Variants in CPPED1 observed in about 807,000 individuals in gnomAD.
CPPED1 encodes serine/threonine-protein phosphatase CPPED1.
CPPED1 carries 28 observed loss-of-function variants against 28.0 expected under a neutral mutation model. The ratio of observed to expected loss-of-function variants is 1.00; its 90% CI spans 0.74 to 1.37. CPPED1 has a LOEUF of 1.37. Among genes scored for constraint, CPPED1 ranks in the 40% most tolerant of loss-of-function variants. CPPED1 has a pLI of 0.00. For missense variants in CPPED1, 504 were observed against 416.5 expected, an observed-to-expected ratio of 1.21 and a Z score of -1.83; for synonymous variants, 198 against 180.2, an observed-to-expected ratio of 1.10 and a Z score of -0.79.
At chr16:12,766,256 T>TATATATATAGAGAGAG in intron 2 of CPPED1, among the ~76,000 whole-genome samples, 1 of 134,288 alleles carries the variant, frequency 7.4e-6, no homozygotes, top group African/African-American at 3.5e-5. Context: ...TATATATATA[T>TATATATATAGAGAGAG]AGAGAGAGAG....
At chr16:12,745,813 A>G (rs527883193) in intron 2 of CPPED1, 1 of 152,346 alleles carries the variant, frequency 6.6e-6, no homozygotes, top group East Asian at 1.9e-4. Flanking sequence ...CAAGTTACCT[A>G]TGTAATAAAC....
At chr16:12,798,975 G>C (rs1170380029) in intron 1 of CPPED1, among the ~76,000 whole-genome samples, 1 of 152,188 alleles carries the variant, frequency 6.6e-6, no homozygotes, top group Admixed American at 6.5e-5. Flanking sequence ...GGGAACGGAT[G>C]ACTGAAACCA....
intron 2 of CPPED1, among the ~76,000 whole-genome samples, chr16:12,720,524 A>G (rs2080134049): frequency 1.3e-5 from 2 of 152,152 alleles, no homozygotes; most frequent in Admixed American, 6.6e-5. Flanking sequence ...GTCTTGCTCT[A>G]TTGCCCAGGC....
chr16:12,686,651 A>G (rs2079935018), intron 3 of CPPED1, among the ~76,000 whole-genome samples: 1 of 152,150 alleles, frequency 6.6e-6, no homozygotes, highest in African/African-American at 2.4e-5. Flanking sequence ...GGATGCTGGG[A>G]TGGGAAAGGT....
intron 3 of CPPED1, among the ~76,000 whole-genome samples, chr16:12,686,145 A>G (rs994536880): frequency 1.3e-5 from 2 of 152,076 alleles, no homozygotes; most frequent in Admixed American, 6.5e-5. Context: ...TATTGATACT[A>G]TCCTATACTT....
intron 2 of CPPED1, among the ~76,000 whole-genome samples, chr16:12,708,232 T>C (rs1374430803): frequency 2.0e-5 from 3 of 152,130 alleles, no homozygotes; most frequent in African/African-American, 7.2e-5. Context: ...TCTATACCTC[T>C]TGCATGGAGT....
At position 12,662,520 on chromosome 16, in the gene CPPED1, T is replaced by C. The variant is rs1414776241; in HGVS notation, c.*2366A>G. ...GTGTACACTGTACCCATCAGGTACT[T>C]TCTCATCCCTTACCCTCCTCCCACC... On this transcript the variant is annotated 3_prime_UTR_variant, in exon 4 of 4. Coordinates refer to ENST00000381774, the MANE Select transcript of CPPED1 (RefSeq NM_018340.3). 1 of 152,238 alleles carries C rather than the reference T, an allele frequency of 6.6e-6. No homozygotes were observed. The highest frequency in any genetic ancestry group is 2.4e-5 in the African/African-American group (1 of 41,478). The allele number at this position is 152,238 out of a possible 1,614,324, so 9.4% of individuals were successfully genotyped here. A position where few individuals can be genotyped will look rare whatever the true frequency, so the allele number is the denominator to read the frequency against.
intron 2 of CPPED1, among the ~76,000 whole-genome samples, chr16:12,768,617 C>A (rs2080452544): frequency 6.6e-6 from 1 of 152,162 alleles, no homozygotes; most frequent in South Asian, 2.1e-4. Flanking sequence ...CAGGTGTGGG[C>A]TCTTATTCTG....
intron 2 of CPPED1, among the ~76,000 whole-genome samples, chr16:12,771,652 T>C (rs374494248): frequency 1.3e-5 from 2 of 152,338 alleles, no homozygotes; most frequent in African/African-American, 4.8e-5. Context: ...TGTACCAGAA[T>C]TATGTTCATG....
In CPPED1 at chr16:12,664,834, GC is replaced by G. The variant is rs1253230403; in HGVS notation, c.*51del. The G allele has an allele frequency of 5.6e-6, 9 of 1,603,998 alleles. No individual in the cohort carries two copies. Among genetic ancestry groups the G allele is most frequent in the Non-Finnish European group, 7.6e-6 (9 of 1,177,326 alleles). ...AGGTTGTGTGCAGCTGCTGTTTCTG[GC>G]AAAATAAAAAAATAGTGCAAGTGAA... On this transcript the variant is annotated 3_prime_UTR_variant, in exon 4 of 4. Coordinates refer to ENST00000381774, the MANE Select transcript of CPPED1 (RefSeq NM_018340.3). This position sits in a 1 kb window ranked among gnomAD's most constrained non-coding sequence, Gnocchi z 4.2.
chr16:12,690,754 G>A (rs1394745878), intron 3 of CPPED1, among the ~76,000 whole-genome samples: 1 of 151,986 alleles, frequency 6.6e-6, no homozygotes, highest in Non-Finnish European at 1.5e-5. Context: ...GAACGGAGAG[G>A]CTTACTATGA....
intron 2 of CPPED1, among the ~76,000 whole-genome samples, chr16:12,725,398 T>C (rs1000476642): frequency 5.9e-5 from 9 of 152,132 alleles, no homozygotes; most frequent in African/African-American, 1.4e-4. Flanking sequence ...CCAGCCAACA[T>C]GATTCTTGAC....
At chr16:12,779,109 A>G (rs1157308866) in intron 2 of CPPED1, among the ~76,000 whole-genome samples, 5 of 152,278 alleles carry the variant, frequency 3.3e-5, no homozygotes, top group Non-Finnish European at 7.3e-5. Flanking sequence ...AATTCAGAAC[A>G]AGTTGGTAAA....
intron 1 of CPPED1, among the ~76,000 whole-genome samples, chr16:12,794,594 G>T (rs1407925021): frequency 6.6e-6 from 1 of 151,908 alleles, no homozygotes; most frequent in Non-Finnish European, 1.5e-5. Flanking sequence ...ACTTTTTTCA[G>T]ATTTTGGAAC....
At chr16:12,714,602 A>G (rs775681407) in intron 2 of CPPED1, among the ~76,000 whole-genome samples, 24 of 152,218 alleles carry the variant, frequency 1.6e-4, no homozygotes, top group Non-Finnish European at 3.2e-4. Flanking sequence ...AGAAATGTCT[A>G]TTCAGATACT....
At chr16:12,746,114 C>G (rs536960877) in intron 2 of CPPED1, 1 of 152,244 alleles carries the variant, frequency 6.6e-6, no homozygotes, top group South Asian at 2.1e-4. Flanking sequence ...GTGGCTCACG[C>G]CTGTAATCCC....
intron 3 of CPPED1, among the ~76,000 whole-genome samples, chr16:12,703,681 C>CAAAAAAAAAAAAAAAAAAAAA (rs11334902): frequency 1.0e-5 from 1 of 97,310 alleles, no homozygotes. Flanking sequence ...GACTTTGTCT[C>CAAAAAAAAAAAAAAAAAAAAA]AAAAAAAAAA....
intron 1 of CPPED1, among the ~76,000 whole-genome samples, chr16:12,782,673 AAC>A (rs946268558): frequency 1.3e-5 from 2 of 151,786 alleles, no homozygotes; most frequent in African/African-American, 4.8e-5. Context: ...CAGCCTGGGC[AAC>A]ATAGTGAAAC....
chr16:12,776,928 G>T (rs769362944), intron 2 of CPPED1, among the ~76,000 whole-genome samples: 1 of 151,982 alleles, frequency 6.6e-6, no homozygotes, highest in East Asian at 1.9e-4. Context: ...CAAAAAAAAA[G>T]ATGTGCCTTT....
Sources: allele counts gnomAD v4.1 joint callset (sites outside exome capture counted in the v4.1 genomes callset), GRCh38; gene constraint gnomAD v4.1.1; non-coding constraint Gnocchi (gnomAD v3.1); transcripts MANE v1.5; gene names NCBI Gene and HGNC (gene_info 2026-07-23, HGNC 2026-07-21).